MEMO1: variants seen among roughly 807,000 people sequenced by gnomAD.
The protein encoded by MEMO1 is protein MEMO1.
In MEMO1, 6 loss-of-function variants were observed where a neutral mutation model predicts 45.2. That is an observed-to-expected ratio of 0.13 (90% CI 0.07 to 0.26). The LOEUF (loss-of-function observed/expected upper bound fraction) is 0.26. Ranked by LOEUF, MEMO1 falls within the 10% of genes least tolerant of loss-of-function variation. The pLI is 1.00. For missense variants in MEMO1, 184 were observed against 370.5 expected, an observed-to-expected ratio of 0.50 and a Z score of 4.13; for synonymous variants, 78 against 124.3, an observed-to-expected ratio of 0.63 and a Z score of 2.48.
At chr2:32,005,733 T>C (rs909310952) in intron 2 of MEMO1, among the ~76,000 whole-genome samples, 5 of 152,158 alleles carry the variant, frequency 3.3e-5, no homozygotes, top group African/African-American at 1.2e-4. Context: ...ACTTCCCACT[T>C]GCTAATTATA....
intron 2 of MEMO1, among the ~76,000 whole-genome samples, chr2:31,953,851 G>A (rs569927619): frequency 1.8e-4 from 28 of 152,032 alleles, no homozygotes; most frequent in East Asian, 3.9e-4. Context: ...CCATAATCTC[G>A]CTACTCTCCT....
At chr2:31,994,369 C>T (rs1400410572) in intron 2 of MEMO1, among the ~76,000 whole-genome samples, 2 of 151,748 alleles carry the variant, frequency 1.3e-5, no homozygotes, top group East Asian at 3.9e-4. Context: ...GTGGCTCACA[C>T]CTGTAATCCC....
At chr2:32,001,909 A>G (rs1218039077) in intron 2 of MEMO1, among the ~76,000 whole-genome samples, 1 of 151,086 alleles carries the variant, frequency 6.6e-6, no homozygotes, top group African/African-American at 2.5e-5. Context: ...GCGCCTTGGG[A>G]GGCCAAGGAG....
chr2:31,998,907 A>C (rs1672932016), intron 2 of MEMO1, among the ~76,000 whole-genome samples: 1 of 152,212 alleles, frequency 6.6e-6, no homozygotes, highest in Non-Finnish European at 1.5e-5. Context: ...ACTTGACTGT[A>C]CAGTGAACAT....
chr2:31,945,248 T>A (rs561429792), intron 2 of MEMO1, among the ~76,000 whole-genome samples: 2 of 152,358 alleles, frequency 1.3e-5, no homozygotes, highest in South Asian at 4.1e-4. Flanking sequence ...TACTGCACTA[T>A]ACGAATATAG....
intron 2 of MEMO1, among the ~76,000 whole-genome samples, chr2:32,000,333 C>T (rs1174366297): frequency 1.3e-5 from 2 of 151,996 alleles, no homozygotes; most frequent in African/African-American, 2.4e-5. Context: ...GGGTTCACTC[C>T]ACTCTTCTCG....
At chr2:31,871,547 T>C (rs1673747035) in intron 8 of MEMO1, among the ~76,000 whole-genome samples, 1 of 151,526 alleles carries the variant, frequency 6.6e-6, no homozygotes, top group Non-Finnish European at 1.5e-5. Context: ...CATAGACATA[T>C]ACATGTGCAA....
chr2:31,924,030 C>T (rs957288056), intron 4 of MEMO1, among the ~76,000 whole-genome samples: 3 of 151,850 alleles, frequency 2.0e-5, no homozygotes, highest in African/African-American at 7.3e-5. Flanking sequence ...GAAAACTCAC[C>T]AATAGCCAAA....
At chr2:31,884,318 C>T (rs996362398) in intron 7 of MEMO1, among the ~76,000 whole-genome samples, 3 of 152,142 alleles carry the variant, frequency 2.0e-5, no homozygotes, top group Non-Finnish European at 2.9e-5. Flanking sequence ...ACACCTAAAT[C>T]TTTTAGCAGT....
chr2:31,878,142 C>T (rs531686910), intron 8 of MEMO1, among the ~76,000 whole-genome samples: 1 of 152,082 alleles, frequency 6.6e-6, no homozygotes, highest in Non-Finnish European at 1.5e-5. Context: ...CTAAGCAAAA[C>T]GGGCAAACGC....
intron 6 of MEMO1, among the ~76,000 whole-genome samples, chr2:31,910,996 AAC>A (rs1680482301): frequency 6.6e-6 from 1 of 152,200 alleles, no homozygotes; most frequent in Non-Finnish European, 1.5e-5. Context: ...AGTCATATAA[AAC>A]ACACAATTAA....
rs577481247 is a variant in MEMO1 at position 31,899,064 on chromosome 2, C to T, written c.438-6930G>A. Among the ~76,000 whole-genome samples the T allele has an allele frequency of 5.3e-5, 8 of 152,188 alleles. No individual in the cohort carries two copies. In the South Asian group the frequency reaches 1.2e-3, roughly 24 times the overall value. On this transcript the variant is annotated intron_variant, in intron 6 of 9. Transcript: ENST00000404530. ...CACAAACAAATGGAAAAACATCCCA[C>T]GCTCATGGATAGGAAGAATTAATAT... is the stretch of plus-strand genomic sequence containing the variant.
intron 4 of MEMO1, among the ~76,000 whole-genome samples, chr2:31,926,615 G>A (rs186093763): frequency 3.9e-5 from 6 of 152,172 alleles, no homozygotes; most frequent in Admixed American, 6.5e-5. Flanking sequence ...TTGGGAGGCC[G>A]AGGTGGGTGG....
chr2:31,947,440 G>A (rs898294678), intron 2 of MEMO1, among the ~76,000 whole-genome samples: 5 of 152,152 alleles, frequency 3.3e-5, no homozygotes, highest in Non-Finnish European at 7.3e-5. Flanking sequence ...CTTTCACAGA[G>A]ACTAGCCAAT....
chr2:31,918,001 C>T lies in MEMO1; in HGVS notation c.362G>A (p.Arg121His), dbSNP rs1342385815. 1.2e-6 allele frequency: 2 copies of T among 1,610,992 alleles called. No individual in the cohort carries two copies. The highest frequency in any genetic ancestry group is 2.2e-5 in the East Asian group (1 of 44,740). The change falls in exon 6 of 10, where the codon CGC becomes CAC. Residue 121 changes from arginine to histidine, a missense_variant. By Grantham distance (29) the Arg-to-His change is conservative. Coordinates refer to ENST00000404530, the MANE Select transcript of MEMO1 (RefSeq NM_001301833.4). ...GELWKTGMFE[R>H]MSLQTDEDEH... ...ATCTTCATCTGTCTGCAGAGACATG[C>T]GTTCAAACATTCCTGTCTTCCACAG...
At chr2:31,986,340 C>A (rs1023837030) in intron 2 of MEMO1, among the ~76,000 whole-genome samples, 1 of 151,832 alleles carries the variant, frequency 6.6e-6, no homozygotes, top group African/African-American at 2.4e-5. Context: ...GGCGTGGTGG[C>A]GGGGGCTTGT....
chr2:31,882,969 C>G (rs1675639495), intron 8 of MEMO1, among the ~76,000 whole-genome samples: 1 of 152,032 alleles, frequency 6.6e-6, no homozygotes, highest in South Asian at 2.1e-4. Context: ...AACAACAATG[C>G]TGTTCAGAAG....
At chr2:31,969,936 T>C (rs942278805) in intron 2 of MEMO1, among the ~76,000 whole-genome samples, 2 of 151,484 alleles carry the variant, frequency 1.3e-5, no homozygotes, top group South Asian at 4.2e-4. Context: ...CTGAATTACT[T>C]TTGTAATAAA....
intron 6 of MEMO1, among the ~76,000 whole-genome samples, chr2:31,902,981 CATT>C (rs1432382890): frequency 1.5e-4 from 23 of 151,766 alleles, no homozygotes; most frequent in African/African-American, 4.8e-4. Flanking sequence ...GATAAGAAAA[CATT>C]ATAATTTAAT....
Sources: allele counts gnomAD v4.1 joint callset (sites outside exome capture counted in the v4.1 genomes callset), GRCh38; gene constraint gnomAD v4.1.1; transcripts MANE v1.5; gene names NCBI Gene and HGNC (gene_info 2026-07-23, HGNC 2026-07-21).